Variants in FAAH2 observed in about 807,000 individuals in gnomAD.
FAAH2 encodes fatty acid amide hydrolase 2, also known as fatty-acid amide hydrolase 2.
Under a neutral mutation model 36.9 loss-of-function variants are expected in FAAH2, and 60 were observed. The ratio of observed to expected loss-of-function variants is 1.63; its 90% confidence interval spans 1.32 to 2.02. The LOEUF (loss-of-function observed/expected upper bound fraction) is 2.02. FAAH2 is among the 30% of genes most tolerant of loss of function. The probability of loss-of-function intolerance (pLI) is 0.00; values close to 1 mark genes in which losing one functional copy is unlikely to be tolerated. For missense variants in FAAH2, 689 were observed against 397.5 expected, an observed-to-expected ratio of 1.73 and a Z score of -6.23; for synonymous variants, 214 against 143.8, an observed-to-expected ratio of 1.49 and a Z score of -3.49.
chrX:57,299,039 G>T (rs1253498699), intron 2 of FAAH2, among the ~76,000 whole-genome samples: 1 of 111,458 alleles, frequency 9.0e-6, no homozygotes, highest in Non-Finnish European at 1.9e-5. Context: ...GGAGGAGCTG[G>T]TACCATTCCT....
At chrX:57,420,334 G>T (rs910168060) in intron 7 of FAAH2, among the ~76,000 whole-genome samples, 3 of 111,583 alleles carry the variant, frequency 2.7e-5, no homozygotes, top group African/African-American at 9.8e-5. Flanking sequence ...TCATGATATT[G>T]ATTCTTCCTA....
intron 10 of FAAH2, among the ~76,000 whole-genome samples, chrX:57,449,814 G>T (rs867735526): frequency 1.8e-5 from 2 of 111,033 alleles, no homozygotes; most frequent in Middle Eastern, 9.3e-3. Context: ...TTACAGGAGT[G>T]TGCCACCACA....
the FAAH2 span, among the ~76,000 whole-genome samples, chrX:57,200,610 C>T: frequency 9.0e-6 from 1 of 111,253 alleles, no homozygotes; most frequent in Admixed American, 9.5e-5. Flanking sequence ...ATCTCCTGAC[C>T]TCATGATCCA....
At chrX:57,384,523 C>T (rs1337915223) in intron 7 of FAAH2, among the ~76,000 whole-genome samples, 1 of 110,636 alleles carries the variant, frequency 9.0e-6, no homozygotes, top group East Asian at 2.9e-4. Flanking sequence ...AGGATATGAA[C>T]AGACACTTCT....
At chrX:57,157,213 A>G in the FAAH2 span, among the ~76,000 whole-genome samples, 6 of 111,698 alleles carry the variant, frequency 5.4e-5, no homozygotes, top group African/African-American at 2.0e-4. Context: ...GAGAGGGATC[A>G]CACAGGTCCT....
the FAAH2 span, among the ~76,000 whole-genome samples, chrX:57,268,065 A>T: frequency 8.9e-6 from 1 of 112,343 alleles, no homozygotes; most frequent in Non-Finnish European, 1.9e-5. Flanking sequence ...GAGCTATAGG[A>T]GTACACTGTA....
the FAAH2 span, among the ~76,000 whole-genome samples, chrX:57,214,895 G>A: frequency 1.8e-5 from 2 of 110,512 alleles, no homozygotes; most frequent in African/African-American, 3.3e-5. Context: ...ACACTCGTCA[G>A]TATCTATAAT....
chrX:57,222,511 A>T, the FAAH2 span, among the ~76,000 whole-genome samples: 1 of 112,156 alleles, frequency 8.9e-6, no homozygotes, highest in Non-Finnish European at 1.9e-5. Flanking sequence ...GCCTTCAAGC[A>T]TTGGTGGCAG....
intron 4 of FAAH2, among the ~76,000 whole-genome samples, chrX:57,337,870 C>T (rs937676809): frequency 8.0e-5 from 9 of 112,023 alleles, no homozygotes; most frequent in African/African-American, 2.9e-4. Context: ...TCTCTCACTG[C>T]TCTGATACAA....
the FAAH2 span, among the ~76,000 whole-genome samples, chrX:57,153,641 C>T: frequency 8.9e-6 from 1 of 112,259 alleles, no homozygotes; most frequent in South Asian, 3.7e-4. Flanking sequence ...TTGCTGGATA[C>T]AAAATTCTTG....
In FAAH2 at chrX:57,451,376, T is replaced by A. The variant is rs2056780910; in HGVS notation, c.1423+2658T>A. ...ATTGACACTCTACAATGAGAATAAA[T>A]TTATTAAGCATGTATTGTGAACTAT... is the stretch of plus-strand genomic sequence containing the variant. On this transcript the variant is annotated intron_variant, in intron 10 of 10. Transcript: ENST00000374900. 2.7e-5 allele frequency among the ~76,000 whole-genome samples: 3 copies of A among 112,144 alleles called. No individual in the cohort carries two copies. The Admixed American group carries it at 2.8e-4, about 11-fold the overall frequency.
the FAAH2 span, among the ~76,000 whole-genome samples, chrX:57,178,089 A>G: frequency 9.0e-6 from 1 of 111,417 alleles, no homozygotes; most frequent in African/African-American, 3.3e-5. Context: ...CAGTAATGTG[A>G]CCTGTCTGTC....
chrX:57,446,378 A>G (rs1178285851), intron 8 of FAAH2, among the ~76,000 whole-genome samples: 1 of 112,235 alleles, frequency 8.9e-6, no homozygotes, highest in Non-Finnish European at 1.9e-5. Flanking sequence ...GAAGCATTCT[A>G]TTCAGCCATC....
the FAAH2 span, among the ~76,000 whole-genome samples, chrX:57,272,573 C>T: frequency 8.9e-6 from 1 of 112,097 alleles, no homozygotes; most frequent in East Asian, 2.8e-4. Context: ...AGAAACCCTA[C>T]AAGTCAGAAG....
intron 7 of FAAH2, among the ~76,000 whole-genome samples, chrX:57,402,231 C>A: frequency 8.9e-6 from 1 of 112,047 alleles, no homozygotes; most frequent in Non-Finnish European, 1.9e-5. Flanking sequence ...GTGGGCCTTC[C>A]CGTGATTCCC....
intron 10 of FAAH2, among the ~76,000 whole-genome samples, chrX:57,480,394 C>T (rs184842160): frequency 5.4e-5 from 6 of 111,913 alleles, no homozygotes; most frequent in African/African-American, 1.6e-4. Flanking sequence ...TCCAGCAGCA[C>T]GTCGAAAACC....
intron 1 of FAAH2, among the ~76,000 whole-genome samples, chrX:57,291,186 G>A (rs943570616): frequency 9.0e-5 from 10 of 111,669 alleles, no homozygotes; most frequent in Non-Finnish European, 1.9e-4. Flanking sequence ...TCCTTGGTCT[G>A]TGAGTCTCTG....
intron 2 of FAAH2, among the ~76,000 whole-genome samples, chrX:57,299,214 C>A (rs1458271444): frequency 1.8e-5 from 2 of 112,015 alleles, no homozygotes; most frequent in African/African-American, 6.5e-5. Context: ...CAATAAAATG[C>A]TGGCAAACCG....
chrX:57,181,786 A>C, the FAAH2 span, among the ~76,000 whole-genome samples: 22 of 112,013 alleles, frequency 2.0e-4, no homozygotes, highest in South Asian at 3.6e-4. Context: ...TCCTAAGCAA[A>C]AAGCACAAAG....
Sources: allele counts gnomAD v4.1 joint callset (sites outside exome capture counted in the v4.1 genomes callset), GRCh38; gene constraint gnomAD v4.1.1; transcripts MANE v1.5; gene names NCBI Gene and HGNC (gene_info 2026-07-23, HGNC 2026-07-21).